TENM1: variants seen among roughly 807,000 people sequenced by gnomAD.
TENM1 encodes teneurin transmembrane protein 1, also known as teneurin-1.
In TENM1, 35 loss-of-function variants were observed where a neutral mutation model predicts 174.8. That is an observed-to-expected ratio of 0.20 (90% CI 0.15 to 0.27). The LOEUF (loss-of-function observed/expected upper bound fraction) is 0.27, where lower values mean the gene tolerates loss of function less well. Ranked by LOEUF, TENM1 falls within the 10% of genes least tolerant of loss-of-function variation. The pLI is 1.00. For missense variants in TENM1, 1,633 were observed against 2,130.1 expected, an observed-to-expected ratio of 0.77 and a Z score of 4.59; for synonymous variants, 781 against 798.7, an observed-to-expected ratio of 0.98 and a Z score of 0.37.
the TENM1 span, among the ~76,000 whole-genome samples, chrX:125,001,059 A>T: frequency 9.0e-6 from 1 of 110,526 alleles, no homozygotes; most frequent in African/African-American, 3.3e-5. Flanking sequence ...GACATCTCAT[A>T]ATTGTATGGG....
chrX:124,785,107 A>G (rs765221438), intron 3 of TENM1, among the ~76,000 whole-genome samples: 115 of 111,700 alleles, frequency 1.0e-3, no homozygotes, highest in Admixed American at 2.1e-3. Flanking sequence ...CCCAAATTTA[A>G]AAGTAAAGAC....
chrX:124,407,164 G>A (rs1215005163), intron 25 of TENM1, among the ~76,000 whole-genome samples: 1 of 108,029 alleles, frequency 9.3e-6, no homozygotes, highest in Non-Finnish European at 1.9e-5. Flanking sequence ...TAATTACCTG[G>A]GATAATAGGC....
chrX:124,925,846 G>A (rs1044411813), intron 1 of TENM1, among the ~76,000 whole-genome samples: 1 of 111,758 alleles, frequency 8.9e-6, no homozygotes, highest in Non-Finnish European at 1.9e-5. Flanking sequence ...GCTCAGCTAT[G>A]ACAACATGGA....
chrX:124,434,579 T>C (rs2060815012), intron 23 of TENM1, among the ~76,000 whole-genome samples: 1 of 112,322 alleles, frequency 8.9e-6, no homozygotes, highest in Non-Finnish European at 1.9e-5. Flanking sequence ...TGAGTTTCCG[T>C]CGACCCTTTC....
At chrX:124,396,557 C>T (rs913984055) in intron 27 of TENM1, among the ~76,000 whole-genome samples, 4 of 110,483 alleles carry the variant, frequency 3.6e-5, no homozygotes, top group African/African-American at 1.3e-4. Context: ...ACCCACCTCA[C>T]CCTCCCAAAG....
chrX:124,686,683 C>T (rs901053797), intron 5 of TENM1, among the ~76,000 whole-genome samples: 1 of 111,993 alleles, frequency 8.9e-6, no homozygotes, highest in African/African-American at 3.2e-5. Context: ...GTGATTATCT[C>T]AATAGATGCA....
chrX:125,069,431 G>A, the TENM1 span, among the ~76,000 whole-genome samples: 2 of 111,517 alleles, frequency 1.8e-5, no homozygotes, highest in Non-Finnish European at 3.8e-5. Context: ...CCATGACTTT[G>A]CTACGGTGAA....
exon 30 of TENM1, chrX:124,384,758 A>G (rs2060199316): frequency 8.3e-7 from 1 of 1,211,571 alleles, no homozygotes. Context: ...TACAGCTTGC[A>G]TGCTTGTGAC....
At chrX:124,381,944 C>G (rs2060161779) in intron 31 of TENM1, among the ~76,000 whole-genome samples, 1 of 111,405 alleles carries the variant, frequency 9.0e-6, no homozygotes, top group Non-Finnish European at 1.9e-5. Flanking sequence ...TACATCTTTA[C>G]AAAAAGGGAT....
At chrX:124,446,903 T>A (rs765177674) in intron 23 of TENM1, among the ~76,000 whole-genome samples, 2 of 112,391 alleles carry the variant, frequency 1.8e-5, no homozygotes, top group Non-Finnish European at 3.8e-5. Flanking sequence ...TGCTGCCATG[T>A]AGTGTTAGAA....
chrX:124,487,342 C>A, intron 20 of TENM1, 113 bp from the exon 24 acceptor site: 1 of 675,124 alleles, frequency 1.5e-6, no homozygotes, highest in Non-Finnish European at 2.3e-6. Context: ...CAGATTGCGG[C>A]ATTTAGAGAG....
At chrX:124,813,334 C>A (rs1307550154) in intron 3 of TENM1, among the ~76,000 whole-genome samples, 1 of 111,728 alleles carries the variant, frequency 9.0e-6, no homozygotes, top group Non-Finnish European at 1.9e-5. Context: ...AGTACTCTCA[C>A]AAACTGATAA....
At chrX:124,716,394 G>A (rs2053182915) in intron 4 of TENM1, among the ~76,000 whole-genome samples, 1 of 112,105 alleles carries the variant, frequency 8.9e-6, no homozygotes, top group African/African-American at 3.2e-5. Context: ...CAAAAGTGAT[G>A]TCTGACACTT....
chrX:124,873,879 C>T (rs1481555274), intron 3 of TENM1, among the ~76,000 whole-genome samples: 3 of 111,600 alleles, frequency 2.7e-5, no homozygotes, highest in Non-Finnish European at 5.7e-5. Context: ...CAAATAGTGT[C>T]AATGGAGTTA....
intron 11 of TENM1, among the ~76,000 whole-genome samples, chrX:124,618,122 C>T (rs1290072832): frequency 3.6e-5 from 4 of 112,313 alleles, no homozygotes; most frequent in Non-Finnish European, 5.6e-5. Context: ...TTTTCCCATT[C>T]CATCCTTCAT....
At chrX:124,805,565 G>A (rs1167624302) in intron 3 of TENM1, among the ~76,000 whole-genome samples, 1 of 113,032 alleles carries the variant, frequency 8.8e-6, no homozygotes, top group Non-Finnish European at 1.9e-5. Context: ...CCCTTGTGCA[G>A]TGAACTCAAT....
chrX:124,645,150 G>A (rs1322148554), exon 10 of TENM1: 4 of 1,208,320 alleles, frequency 3.3e-6, no homozygotes, highest in Admixed American at 2.2e-5. Flanking sequence ...GACCTTCCTC[G>A]CATATTTCTC....
chrX:124,547,905 C>T (rs1022653374), intron 14 of TENM1, among the ~76,000 whole-genome samples: 1 of 112,099 alleles, frequency 8.9e-6, no homozygotes, highest in Non-Finnish European at 1.9e-5. Flanking sequence ...GGCACAATCT[C>T]GGCTCACTGC....
intron 12 of TENM1, among the ~76,000 whole-genome samples, chrX:124,564,217 C>T (rs1187045285): frequency 1.8e-5 from 2 of 111,844 alleles, no homozygotes; most frequent in Non-Finnish European, 3.8e-5. Flanking sequence ...TTAAGCTACA[C>T]ATCTGAATCT....
Sources: gnomAD v4.1 joint callset for allele counts (sites outside exome capture counted in the v4.1 genomes callset) on GRCh38, gnomAD v4.1.1 for gene constraint, MANE v1.5 for transcripts, NCBI Gene and HGNC (gene_info 2026-07-23, HGNC 2026-07-21) for gene names.